TBC1D5: variants seen among roughly 807,000 people sequenced by gnomAD.
TBC1D5 encodes TBC1 domain family, member 5.
A neutral mutation model predicts 100.3 loss-of-function variants in TBC1D5; 75 were observed. The observed-to-expected ratio is 0.75, with a 90% CI of 0.62 to 0.91. TBC1D5 has a LOEUF of 0.91. Among genes scored for constraint, TBC1D5 ranks in the 40% least tolerant of loss-of-function variants. The probability of loss-of-function intolerance (pLI) is 0.00; values close to 1 mark genes in which losing one functional copy is unlikely to be tolerated. For missense variants in TBC1D5, 910 were observed against 942.4 expected (o/e 0.97, Z 0.45); for synonymous variants, 323 against 325.6 (o/e 0.99, Z 0.09).
intron 1 of TBC1D5, among the ~76,000 whole-genome samples, chr3:17,676,489 A>G (rs1208708940): frequency 6.6e-6 from 1 of 152,180 alleles, no homozygotes; most frequent in Non-Finnish European, 1.5e-5. Context: ...CCACTGCTCA[A>G]CGAAATAAAA....
At chr3:17,305,340 C>A (rs931313105) in intron 14 of TBC1D5, among the ~76,000 whole-genome samples, 1 of 152,110 alleles carries the variant, frequency 6.6e-6, no homozygotes, top group African/African-American at 2.4e-5. Context: ...CCATATGTAC[C>A]CACCTTAGGT....
At chr3:17,232,504 A>G (rs976562518) in intron 17 of TBC1D5, among the ~76,000 whole-genome samples, 7 of 152,314 alleles carry the variant, frequency 4.6e-5, no homozygotes, top group Admixed American at 2.6e-4. Flanking sequence ...CCTCTTGTCC[A>G]TGCTATTATA....
intron 8 of TBC1D5, among the ~76,000 whole-genome samples, chr3:17,400,709 T>C (rs532367851): frequency 9.9e-5 from 15 of 152,188 alleles, no homozygotes; most frequent in East Asian, 3.9e-4. Flanking sequence ...ATGGGCACCA[T>C]CTAATCAGCT....
At chr3:17,417,410 C>A (rs2094108886) in intron 4 of TBC1D5, among the ~76,000 whole-genome samples, 1 of 146,806 alleles carries the variant, frequency 6.8e-6, no homozygotes, top group African/African-American at 2.5e-5. Context: ...TCTCATTGTT[C>A]AATTCCCACC....
At chr3:17,545,799 C>T (rs909727667) in intron 2 of TBC1D5, among the ~76,000 whole-genome samples, 4 of 152,192 alleles carry the variant, frequency 2.6e-5, no homozygotes, top group African/African-American at 9.7e-5. Flanking sequence ...TAGTCCTTAG[C>T]ACAAACCTTC....
At chr3:17,281,417 T>A (rs1213619576) in intron 15 of TBC1D5, among the ~76,000 whole-genome samples, 1 of 152,218 alleles carries the variant, frequency 6.6e-6, no homozygotes. Context: ...ACCATACTCA[T>A]GTATCAAATG....
intron 2 of TBC1D5, among the ~76,000 whole-genome samples, chr3:17,515,873 T>A (rs2095979646): frequency 6.6e-6 from 1 of 152,138 alleles, no homozygotes; most frequent in Non-Finnish European, 1.5e-5. Flanking sequence ...TCAGCAAAAT[T>A]ATAATTTATG....
At chr3:17,593,489 G>A (rs1483336784) in intron 2 of TBC1D5, among the ~76,000 whole-genome samples, 4 of 152,152 alleles carry the variant, frequency 2.6e-5, no homozygotes, top group Admixed American at 2.0e-4. Flanking sequence ...CCAGCTACCT[G>A]GTGACAGGTT....
At chr3:17,405,179 A>G (rs971893023) in intron 5 of TBC1D5, among the ~76,000 whole-genome samples, 7 of 152,094 alleles carry the variant, frequency 4.6e-5, no homozygotes, top group African/African-American at 1.7e-4. Flanking sequence ...GCAAGATAAC[A>G]AAAGCTATAC....
chr3:17,727,729 G>C (rs781000254), intron 1 of TBC1D5, among the ~76,000 whole-genome samples: 9 of 152,158 alleles, frequency 5.9e-5, no homozygotes, highest in African/African-American at 2.2e-4. Flanking sequence ...ACACAAATAG[G>C]TGAGTTATTT....
chr3:17,590,800 T>C (rs1200489096), intron 2 of TBC1D5, among the ~76,000 whole-genome samples: 5 of 152,188 alleles, frequency 3.3e-5, no homozygotes, highest in African/African-American at 1.2e-4. Flanking sequence ...CAGAATAGTC[T>C]GATTCACGTA....
chr3:17,380,073 G>GTGTGTGTGTGTA (rs1553716427), intron 9 of TBC1D5, among the ~76,000 whole-genome samples: 3 of 145,212 alleles, frequency 2.1e-5, no homozygotes, highest in Non-Finnish European at 4.5e-5. Context: ...GTGTGTGTGT[G>GTGTGTGTGTGTA]TGTGTGTGTG....
intron 18 of TBC1D5, among the ~76,000 whole-genome samples, chr3:17,209,114 G>GT (rs1049960244): frequency 1.3e-5 from 2 of 152,074 alleles, no homozygotes; most frequent in African/African-American, 4.8e-5. Context: ...TACCCATTTT[G>GT]TTTTTTCACC....
chr3:17,430,222 G>A (rs2094423167), intron 3 of TBC1D5, among the ~76,000 whole-genome samples: 2 of 151,536 alleles, frequency 1.3e-5, no homozygotes, highest in Admixed American at 1.3e-4. Context: ...CCTGTGAAAC[G>A]TTCCATAATC....
intron 2 of TBC1D5, among the ~76,000 whole-genome samples, chr3:17,549,335 T>C (rs1382298051): frequency 1.3e-5 from 2 of 152,132 alleles, no homozygotes; most frequent in Non-Finnish European, 2.9e-5. Flanking sequence ...AATTATCAAT[T>C]GGCAATTTCT....
chr3:17,636,674 G>A (rs1234413489), intron 1 of TBC1D5, among the ~76,000 whole-genome samples: 1 of 151,636 alleles, frequency 6.6e-6, no homozygotes, highest in African/African-American at 2.4e-5. Flanking sequence ...GGTGGCAGGC[G>A]CCTGTAGTCC....
At chr3:17,381,646 G>T (rs2092948706) in intron 9 of TBC1D5, among the ~76,000 whole-genome samples, 1 of 151,952 alleles carries the variant, frequency 6.6e-6, no homozygotes, top group African/African-American at 2.4e-5. Flanking sequence ...GCTCCCAAAA[G>T]AATTCTACAC....
chr3:17,384,470 ATC>A (rs1267593545), intron 8 of TBC1D5, among the ~76,000 whole-genome samples: 1 of 152,086 alleles, frequency 6.6e-6, no homozygotes, highest in East Asian at 1.9e-4. Flanking sequence ...TCAGCCTTTC[ATC>A]TGATTACAAT....
chr3:17,441,742 G>C (rs555634482), intron 3 of TBC1D5, among the ~76,000 whole-genome samples: 1 of 152,286 alleles, frequency 6.6e-6, no homozygotes, highest in South Asian at 2.1e-4. Flanking sequence ...CATTTCAATG[G>C]TGGTAAAAGT....
Sources: gnomAD v4.1 joint callset for allele counts (sites outside exome capture counted in the v4.1 genomes callset) on GRCh38, gnomAD v4.1.1 for gene constraint, MANE v1.5 for transcripts, NCBI Gene and HGNC (gene_info 2026-07-23, HGNC 2026-07-21) for gene names.